The following NEK11 variants were observed in gnomAD, a reference collection of about 807,000 sequenced individuals.
NEK11 encodes NIMA related kinase 11, also known as serine/threonine-protein kinase Nek11.
A neutral mutation model predicts 80.7 loss-of-function variants in NEK11; 72 were observed. The observed-to-expected ratio is 0.89, with a 90% CI of 0.74 to 1.08. The LOEUF (loss-of-function observed/expected upper bound fraction) is 1.08. Ranked by LOEUF, NEK11 falls within the 50% of genes least tolerant of loss-of-function variation. NEK11 has a pLI of 0.00. For synonymous variants in NEK11, 251 were observed against 260.7 expected, an observed-to-expected ratio of 0.96 and a Z score of 0.36; for missense variants, 764 against 763.6, an observed-to-expected ratio of 1.00 and a Z score of -0.01.
chr3:131,225,692 G>A (rs1469955065), intron 14 of NEK11, among the ~76,000 whole-genome samples: 1 of 152,102 alleles, frequency 6.6e-6, no homozygotes, highest in Non-Finnish European at 1.5e-5. Flanking sequence ...CTAAAGGAGT[G>A]TTTCTGAATG....
At chr3:131,338,265 G>GTT (rs1554023900) in intron 17 of NEK11, among the ~76,000 whole-genome samples, 2,138 of 91,562 alleles carry the variant, frequency 0.023, 120 homozygotes, top group Admixed American at 0.042. Context: ...GCGCCCAGCT[G>GTT]GTTTTTTTTT....
intron 7 of NEK11, 39 bp downstream of exon 7, chr3:131,133,995 CTAAAAGAATGG>C (rs758601309): frequency 6.5e-7 from 1 of 1,530,350 alleles, no homozygotes; most frequent in East Asian, 2.3e-5. Flanking sequence ...ATCTGCTTCC[CTAAAAGAATGG>C]TACATTTTGT....
rs1316414102 is a variant in NEK11, at chr3:131,349,623, G to T, written c.1785G>T (p.Arg595Ser). 1 of 1,614,140 alleles carries T rather than the reference G, an allele frequency of 6.2e-7. No homozygotes were observed. The highest frequency in any genetic ancestry group is 8.5e-7 in the Non-Finnish European group (1 of 1,180,016). Reference protein sequence around the residue: ...EEVYNYLKRARHQNASEAEIR... With the variant: ...EEVYNYLKRASHQNASEAEIR... Reference sequence around the variant, plus strand: ...TCTATAATTACCTCAAGAGAGCAAGGCATCAGAATGCTAGCGAAGCAGAGA... The same window carrying T: ...TCTATAATTACCTCAAGAGAGCAAGTCATCAGAATGCTAGCGAAGCAGAGA... The change falls in exon 18 of 18, where the codon AGG (arginine) becomes AGT (serine). Residue 595 changes from arginine (R) to serine (S), a missense_variant. By Grantham distance (110) the Arg-to-Ser change is moderately radical. Transcript: ENST00000383366.
chr3:131,121,776 C>A (rs2082421330), intron 5 of NEK11, among the ~76,000 whole-genome samples: 1 of 152,200 alleles, frequency 6.6e-6, no homozygotes, highest in East Asian at 1.9e-4. Flanking sequence ...GGTGTGGGAC[C>A]CTCCAAGCCA....
At chr3:131,115,912 T>TTCTTTC (rs2080976915) in intron 5 of NEK11, among the ~76,000 whole-genome samples, 1 of 66,564 alleles carries the variant, frequency 1.5e-5, no homozygotes, top group Admixed American at 1.6e-4. Context: ...TTTTCTTTCT[T>TTCTTTC]TCTTTCTTTC....
chr3:131,237,497 T>C (rs2095450179), intron 15 of NEK11, among the ~76,000 whole-genome samples: 1 of 152,196 alleles, frequency 6.6e-6, no homozygotes, highest in African/African-American at 2.4e-5. Context: ...ATTTACATAG[T>C]ATTTATTGAT....
chr3:131,268,304 G>T (rs1007828113), intron 16 of NEK11, among the ~76,000 whole-genome samples: 1 of 152,108 alleles, frequency 6.6e-6, no homozygotes, highest in South Asian at 2.1e-4. Flanking sequence ...CTCCAATTTT[G>T]TTCCCTTGCT....
chr3:131,316,181 A>G (rs1408292154), intron 17 of NEK11, among the ~76,000 whole-genome samples: 3 of 152,220 alleles, frequency 2.0e-5, no homozygotes, highest in Non-Finnish European at 4.4e-5. Context: ...TTCTACTTAA[A>G]CAGAACTTTT....
intron 4 of NEK11, among the ~76,000 whole-genome samples, chr3:131,086,274 C>G (rs181134855): frequency 2.6e-5 from 4 of 152,216 alleles, no homozygotes; most frequent in Non-Finnish European, 1.5e-5. Context: ...AATCTTCACT[C>G]ATTAATTTTA....
At chr3:131,033,663 C>G (rs961936715) in intron 3 of NEK11, among the ~76,000 whole-genome samples, 15 of 152,270 alleles carry the variant, frequency 9.9e-5, no homozygotes, top group African/African-American at 3.6e-4. Context: ...CATTATGCCA[C>G]TTGGGGGCAT....
chr3:131,092,121 TAGTC>T (rs1379993438), intron 4 of NEK11, among the ~76,000 whole-genome samples: 19 of 152,346 alleles, frequency 1.2e-4, no homozygotes, highest in African/African-American at 2.6e-4. Context: ...TTCTCCCTAT[TAGTC>T]AGTCTCTCAA....
chr3:131,050,785 T>A lies in NEK11; in HGVS notation c.170+20907T>A, dbSNP rs186467573. Among the ~76,000 whole-genome samples the A allele has an allele frequency of 3.0e-3, 463 of 152,234 alleles. 1 individual carries two copies. The highest frequency in any genetic ancestry group is 6.8e-3 in the Middle Eastern group (2 of 294). ...GGCTCATGCCTGTAATCCCAACACTTTGGGAGGCTGAGGCAGGAGGATCGC... is the reference window on the plus strand; with the variant it reads ...GGCTCATGCCTGTAATCCCAACACTATGGGAGGCTGAGGCAGGAGGATCGC... On this transcript the variant is annotated intron_variant, in intron 3 of 17. Transcript: ENST00000383366.
chr3:131,137,386 G>T (rs1017118306), intron 7 of NEK11, among the ~76,000 whole-genome samples: 1 of 152,102 alleles, frequency 6.6e-6, no homozygotes, highest in Non-Finnish European at 1.5e-5. Context: ...AGTCCAACTT[G>T]CCAGCATTTC....
At chr3:131,324,164 G>C (rs576265816) in intron 17 of NEK11, among the ~76,000 whole-genome samples, 17 of 152,196 alleles carry the variant, frequency 1.1e-4, no homozygotes, top group Non-Finnish European at 2.4e-4. Flanking sequence ...ATGGCGAAGG[G>C]GTCAGTGGAT....
At chr3:131,316,106 A>G (rs1410670845) in intron 17 of NEK11, among the ~76,000 whole-genome samples, 2 of 152,200 alleles carry the variant, frequency 1.3e-5, no homozygotes, top group African/African-American at 4.8e-5. Flanking sequence ...TGTGGTTACT[A>G]TAAACATATG....
intron 17 of NEK11, among the ~76,000 whole-genome samples, chr3:131,291,624 G>C (rs139749765): frequency 6.6e-6 from 1 of 152,268 alleles, no homozygotes; most frequent in East Asian, 1.9e-4. Context: ...GGTGTTGTCA[G>C]TGTTCCAGAT....
At chr3:131,078,130 C>T (rs1049651218) in intron 3 of NEK11, among the ~76,000 whole-genome samples, 16 of 152,262 alleles carry the variant, frequency 1.1e-4, no homozygotes, top group Middle Eastern at 3.4e-3. Flanking sequence ...GTGGAAGCAG[C>T]TTATGCCTGC....
intron 3 of NEK11, among the ~76,000 whole-genome samples, chr3:131,059,100 T>A (rs926156589): frequency 6.6e-6 from 1 of 152,204 alleles, no homozygotes; most frequent in Non-Finnish European, 1.5e-5. Context: ...TAATGAACAA[T>A]GAAAATACAT....
At chr3:131,082,352 CTGCTTA>C (rs1194461207) in intron 4 of NEK11, among the ~76,000 whole-genome samples, 1 of 152,200 alleles carries the variant, frequency 6.6e-6, no homozygotes, top group African/African-American at 2.4e-5. Context: ...CTGACTCATA[CTGCTTA>C]TAACTATTAC....
Sources: allele counts gnomAD v4.1 joint callset (sites outside exome capture counted in the v4.1 genomes callset), GRCh38; gene constraint gnomAD v4.1.1; transcripts MANE v1.5; gene names NCBI Gene and HGNC (gene_info 2026-07-23, HGNC 2026-07-21).